The following SPAST variants were observed in gnomAD, a reference collection of about 807,000 sequenced individuals.
The protein encoded by SPAST is spastin.
SPAST carries 30 observed loss-of-function variants against 76.6 expected under a neutral mutation model. The observed-to-expected ratio is 0.39, with a 90% CI of 0.29 to 0.53. The LOEUF is 0.53. SPAST is among the 20% of genes least tolerant of loss of function. SPAST has a pLI of 0.68. For missense variants in SPAST, 717 were observed against 770.5 expected, an observed-to-expected ratio of 0.93 and a Z score of 0.82; for synonymous variants, 305 against 281.0, an observed-to-expected ratio of 1.09 and a Z score of -0.86.
chr2:32,118,173 T>G (rs940687588), intron 7 of SPAST, among the ~76,000 whole-genome samples: 6 of 152,188 alleles, frequency 3.9e-5, no homozygotes, highest in African/African-American at 1.2e-4. Context: ...TGGCACGTTG[T>G]GGTGGGTGCA....
intron 3 of SPAST, among the ~76,000 whole-genome samples, chr2:32,097,701 T>TC (rs1442083534): frequency 6.7e-6 from 1 of 149,778 alleles, no homozygotes; most frequent in African/African-American, 2.4e-5. Context: ...TTCTTTTCTT[T>TC]TTTTTTTTTT....
intron 6 of SPAST, 98 bp from the exon 7 acceptor site, chr2:32,116,021 A>G: frequency 9.9e-7 from 1 of 1,005,346 alleles, no homozygotes; most frequent in Non-Finnish European, 1.5e-6. Context: ...TTTAACAGTT[A>G]ACATTAAAAA....
chr2:32,080,604 G>A (rs1677182486), intron 1 of SPAST, among the ~76,000 whole-genome samples: 1 of 149,960 alleles, frequency 6.7e-6, no homozygotes, highest in South Asian at 2.1e-4. Context: ...GGGAGCTAAT[G>A]TTAAAGGATT....
chr2:32,084,170 G>T (rs1677376526), intron 1 of SPAST, among the ~76,000 whole-genome samples: 1 of 151,472 alleles, frequency 6.6e-6, no homozygotes, highest in South Asian at 2.1e-4. Context: ...TTTCTTTTTT[G>T]TTTGTTTGTT....
chr2:32,121,535 C>CTTTTTTTTT (rs34519148), intron 7 of SPAST, among the ~76,000 whole-genome samples: 2 of 102,730 alleles, frequency 1.9e-5, no homozygotes, highest in Non-Finnish European at 3.7e-5. Context: ...ATCTTTCTCA[C>CTTTTTTTTT]TTTTTTTTTT....
chr2:32,076,324 T>C (rs1676961577), intron 1 of SPAST, among the ~76,000 whole-genome samples: 2 of 152,198 alleles, frequency 1.3e-5, no homozygotes, highest in Admixed American at 1.3e-4. Flanking sequence ...AAAATAATTC[T>C]TTACCTTGAA....
At chr2:32,071,745 A>G (rs74661851) in intron 1 of SPAST, among the ~76,000 whole-genome samples, 1 of 152,312 alleles carries the variant, frequency 6.6e-6, no homozygotes, top group Non-Finnish European at 1.5e-5. Context: ...AAGTCCTGGA[A>G]TCCATAGAAG....
At chr2:32,114,911 G>C in intron 5 of SPAST, 86 bp downstream of exon 5, 1 of 942,330 alleles carries the variant, frequency 1.1e-6, no homozygotes, top group Non-Finnish European at 1.7e-6. Context: ...TTGATCATAA[G>C]TACTTTATAA....
chr2:32,111,670 C>T (rs1022900668), intron 4 of SPAST, among the ~76,000 whole-genome samples: 1 of 150,386 alleles, frequency 6.6e-6, no homozygotes, highest in Non-Finnish European at 1.5e-5. Flanking sequence ...ACTCTTTTCT[C>T]TGTTTAATTT....
Position 32,063,667 on chromosome 2 carries a change from G to C in SPAST, c.-165G>C. On this transcript the variant is annotated 5_prime_UTR_variant, in exon 1 of 17. Transcript: ENST00000315285. ...GGTTGTGCTCCTGGCCGAGGAAGGA[G>C]AAAGGGGCGGGGCCGGCGGGCAGCG... 1.1e-6 allele frequency: 1 copy of C among 884,050 alleles called. No homozygotes were observed. The highest frequency in any genetic ancestry group is 1.7e-6 in the Non-Finnish European group (1 of 599,568). 54.8% of individuals were successfully genotyped at this position (884,050 alleles called of 1,614,324 possible).
chr2:32,082,947 A>C (rs547711383), intron 1 of SPAST, among the ~76,000 whole-genome samples: 1 of 151,550 alleles, frequency 6.6e-6, no homozygotes, highest in Admixed American at 6.6e-5. Context: ...TGTTTTTGTT[A>C]TTGTTGTTGT....
chr2:32,114,456 T>C (rs1367940678), intron 4 of SPAST, among the ~76,000 whole-genome samples, 182 bp from the exon 5 acceptor site: 1 of 152,130 alleles, frequency 6.6e-6, no homozygotes, highest in South Asian at 2.1e-4. Flanking sequence ...CTAATAACCA[T>C]ATTCCTATCT....
At chr2:32,081,887 C>G (rs1404973034) in intron 1 of SPAST, among the ~76,000 whole-genome samples, 1 of 149,154 alleles carries the variant, frequency 6.7e-6, no homozygotes, top group Non-Finnish European at 1.5e-5. Context: ...AAAATAATAA[C>G]CATCCTAATG....
intron 3 of SPAST, among the ~76,000 whole-genome samples, chr2:32,095,171 G>A (rs904377870): frequency 1.3e-5 from 2 of 152,070 alleles, no homozygotes; most frequent in Non-Finnish European, 2.9e-5. Flanking sequence ...ACAAGTGGTT[G>A]GATTATGATT....
chr2:32,133,217 T>A (rs1365043286), intron 9 of SPAST, among the ~76,000 whole-genome samples: 1 of 152,236 alleles, frequency 6.6e-6, no homozygotes, highest in Non-Finnish European at 1.5e-5. Context: ...TCTTAACATG[T>A]TGTATTATTG....
chr2:32,131,864 G>T (rs933328781), intron 9 of SPAST, among the ~76,000 whole-genome samples: 1 of 151,754 alleles, frequency 6.6e-6, no homozygotes, highest in Non-Finnish European at 1.5e-5. Flanking sequence ...GTTTCACCAT[G>T]TTGGCCAGGA....
chr2:32,091,260 T>C (rs1677704276), intron 3 of SPAST, among the ~76,000 whole-genome samples: 1 of 133,580 alleles, frequency 7.5e-6, no homozygotes, highest in Non-Finnish European at 1.6e-5. Context: ...ATTATTATTA[T>C]TATTATTATT....
chr2:32,089,546 G>T lies in SPAST; in HGVS notation c.527G>T (p.Arg176Leu). Residue 176 changes from arginine (R) to leucine (L), a missense_variant, in exon 3 of 17, where the codon CGC (arginine) becomes CTC (leucine). Arg to Leu is a moderately radical substitution (Grantham distance 102). This residue lies in a region of SPAST where 543 missense variants were observed against 445.2 expected (regional missense o/e 1.22). Transcript: ENST00000315285. ...GGTGAACAGTGTGAAAGAGCTAGAC[G>T]CCTTCAAGCTAAAATGATGACTAAT... ...GQGEQCERAR[R>L]LQAKMMTNLV... The T allele has an allele frequency of 6.2e-7, 1 of 1,601,424 alleles. No individual in the cohort carries two copies. Among genetic ancestry groups the T allele is most frequent in the Non-Finnish European group, 8.6e-7 (1 of 1,168,832 alleles).
At chr2:32,111,437 T>C (rs1678601605) in intron 4 of SPAST, among the ~76,000 whole-genome samples, 1 of 146,488 alleles carries the variant, frequency 6.8e-6, no homozygotes, top group Non-Finnish European at 1.5e-5. Context: ...AGTATATATA[T>C]AGTATACTGT....
Sources: gnomAD v4.1 joint callset for allele counts (sites outside exome capture counted in the v4.1 genomes callset) on GRCh38, gnomAD v4.1.1 for gene constraint, gnomAD v4.1.1 regional missense constraint, MANE v1.5 for transcripts, NCBI Gene and HGNC (gene_info 2026-07-23, HGNC 2026-07-21) for gene names.